Variants in LRGUK observed in about 807,000 individuals in gnomAD.
LRGUK encodes the protein leucine rich repeats and guanylate kinase domain containing.
In LRGUK, 65 loss-of-function variants were observed where a neutral mutation model predicts 76.0. That is an observed-to-expected ratio of 0.85 (90% CI 0.70 to 1.05). The LOEUF (loss-of-function observed/expected upper bound fraction) is 1.05, where lower values mean the gene tolerates loss of function less well. Ranked by LOEUF, LRGUK falls within the 50% of genes least tolerant of loss-of-function variation. The probability of loss-of-function intolerance (pLI) is 0.00; values close to 1 mark genes in which losing one functional copy is unlikely to be tolerated. For synonymous variants in LRGUK, 268 were observed against 265.6 expected (o/e 1.01, Z -0.09); for missense variants, 758 against 732.8 (o/e 1.03, Z -0.40).
chr7:134,259,169 T>G (rs1190085603), intron 19 of LRGUK, among the ~76,000 whole-genome samples: 2 of 152,134 alleles, frequency 1.3e-5, no homozygotes, highest in African/African-American at 2.4e-5. Context: ...TTTTTGCCCC[T>G]AGATCCCAAA....
intron 1 of LRGUK, among the ~76,000 whole-genome samples, chr7:134,135,252 G>A (rs188861497): frequency 1.6e-3 from 251 of 152,248 alleles, no homozygotes; most frequent in African/African-American, 5.4e-3. Context: ...AAACAGATGC[G>A]GGGTATGAGA....
chr7:134,210,936 G>A (rs539970245), downstream of LRGUK, among the ~76,000 whole-genome samples: 11 of 152,302 alleles, frequency 7.2e-5, no homozygotes, highest in South Asian at 4.1e-4. Flanking sequence ...GGAAGACTGC[G>A]CCCCAGGAGC....
At chr7:134,172,489 G>T (rs2116973198) in intron 7 of LRGUK, among the ~76,000 whole-genome samples, 1 of 152,232 alleles carries the variant, frequency 6.6e-6, no homozygotes, top group Non-Finnish European at 1.5e-5. Context: ...GATCTCTTTA[G>T]TATAAACCCC....
At chr7:134,220,939 C>T (rs890894275) in intron 15 of LRGUK, among the ~76,000 whole-genome samples, 3 of 152,126 alleles carry the variant, frequency 2.0e-5, no homozygotes, top group Admixed American at 6.5e-5. Context: ...ATTCAAACCT[C>T]AGCCCCTGAT....
At chr7:134,169,318 C>G (rs1255025472) in intron 7 of LRGUK, among the ~76,000 whole-genome samples, 2 of 152,132 alleles carry the variant, frequency 1.3e-5, no homozygotes, top group Non-Finnish European at 2.9e-5. Context: ...CCTCCAGAAC[C>G]TTCTGAGAGA....
At chr7:134,195,642 C>T (rs1451942707) in intron 12 of LRGUK, among the ~76,000 whole-genome samples, 1 of 151,916 alleles carries the variant, frequency 6.6e-6, no homozygotes, top group Admixed American at 6.6e-5. Context: ...TTCATCTCAC[C>T]CCAAACATCT....
chr7:134,217,173 A>C, intron 15 of LRGUK, among the ~76,000 whole-genome samples: 1 of 134,428 alleles, frequency 7.4e-6, no homozygotes, highest in Admixed American at 7.7e-5. Flanking sequence ...TTTTTTTCGG[A>C]ATTCTGGGCC....
At chr7:134,136,235 ATTG>A (rs1285309624) in intron 1 of LRGUK, among the ~76,000 whole-genome samples, 1 of 152,120 alleles carries the variant, frequency 6.6e-6, no homozygotes, top group East Asian at 1.9e-4. Flanking sequence ...TTTGTCTGTC[ATTG>A]TTGGAGGAAG....
intron 16 of LRGUK, among the ~76,000 whole-genome samples, chr7:134,223,591 A>G (rs1801657281): frequency 6.6e-6 from 1 of 152,210 alleles, no homozygotes; most frequent in African/African-American, 2.4e-5. Context: ...AATGGGGATC[A>G]CTTCCCATAT....
intron 15 of LRGUK, among the ~76,000 whole-genome samples, chr7:134,219,429 C>T (rs1273341150): frequency 1.3e-5 from 2 of 152,136 alleles, no homozygotes; most frequent in Non-Finnish European, 2.9e-5. Flanking sequence ...GTACAGGCAA[C>T]TTATGTCTTA....
At chr7:134,226,217 AATGTGTGTGTGTGTGTGTGT>A (rs1338747411) in intron 16 of LRGUK, among the ~76,000 whole-genome samples, 1 of 92,180 alleles carries the variant, frequency 1.1e-5, no homozygotes, top group East Asian at 2.3e-4. Flanking sequence ...TCCCATCTCC[AATGTGTGTGTGTGTGTGTGT>A]GTGTGTGTGT....
chr7:134,271,741 T>C, the LRGUK span, among the ~76,000 whole-genome samples: 1 of 152,056 alleles, frequency 6.6e-6, no homozygotes, highest in Non-Finnish European at 1.5e-5. Flanking sequence ...TTCAATACAA[T>C]TGTATAATTT....
intron 5 of LRGUK, among the ~76,000 whole-genome samples, chr7:134,150,488 A>G (rs1301777829): frequency 6.6e-6 from 1 of 151,362 alleles, no homozygotes; most frequent in African/African-American, 2.4e-5. Context: ...ACAAAAAAAA[A>G]AAAAAAAGAA....
intron 16 of LRGUK, among the ~76,000 whole-genome samples, chr7:134,225,137 A>C (rs1452237099): frequency 2.0e-5 from 3 of 151,028 alleles, no homozygotes; most frequent in Non-Finnish European, 3.0e-5. Flanking sequence ...AAAAAAAAAA[A>C]AAAAAAAAAA....
intron 5 of LRGUK, among the ~76,000 whole-genome samples, chr7:134,153,539 A>G (rs1209945833): frequency 1.3e-5 from 2 of 152,170 alleles, no homozygotes; most frequent in East Asian, 3.8e-4. Context: ...ATTTAATTCC[A>G]GACAGAATTT....
At position 134,148,457 on chromosome 7, in the gene LRGUK, TA is replaced by T. The variant is rs1400712372; in HGVS notation, c.670+139del. ...TAGAGACGTGACTTATTTAAAGGACTAGGAATTGGTATTCACAAAATGAGGA... is the reference window on the plus strand; with the variant it reads ...TAGAGACGTGACTTATTTAAAGGACTGGAATTGGTATTCACAAAATGAGGA... On this transcript the variant is annotated intron_variant, in intron 5 of 15. Transcript: ENST00000645682. 49 of 594,440 alleles carry T rather than the reference TA, an allele frequency of 8.2e-5. No homozygotes were observed. In the East Asian group the frequency reaches 1.4e-3, roughly 17 times the overall value. 36.8% of individuals were successfully genotyped at this position (594,440 alleles called of 1,614,324 possible).
intron 16 of LRGUK, among the ~76,000 whole-genome samples, chr7:134,231,595 CCTTCCTTCCTCCCTCCGTCCCTCT>C (rs1801896018): frequency 1.5e-5 from 2 of 134,474 alleles, no homozygotes; most frequent in African/African-American, 6.0e-5. Context: ...TCCCTTCCTC[CCTTCCTTCCTCCCTCCGTCCCTCT>C]CTTCCTCCCT....
intron 3 of LRGUK, 92 bp from the exon 4 acceptor site, chr7:134,142,970 T>A (rs1339086499): frequency 1.5e-6 from 1 of 678,134 alleles, no homozygotes; most frequent in Non-Finnish European, 2.6e-6. Flanking sequence ...GTTATAATTT[T>A]AAAATATTCT....
At chr7:134,133,850 A>T (rs1239980792) in intron 1 of LRGUK, among the ~76,000 whole-genome samples, 1 of 152,096 alleles carries the variant, frequency 6.6e-6, no homozygotes, top group East Asian at 1.9e-4. Context: ...ACTTGAGCCC[A>T]GGAGTTTGAG....
Sources: allele counts gnomAD v4.1 joint callset (sites outside exome capture counted in the v4.1 genomes callset), GRCh38; gene constraint gnomAD v4.1.1; transcripts MANE v1.5; gene names NCBI Gene and HGNC (gene_info 2026-07-23, HGNC 2026-07-21).